Variants in PMS1 observed in about 807,000 individuals in gnomAD.
PMS1 encodes the protein PMS1 homolog 1, mismatch repair system component, also known as PMS1 protein homolog 1.
A neutral mutation model predicts 93.1 loss-of-function variants in PMS1; 79 were observed. The observed-to-expected ratio is 0.85, with a 90% CI of 0.71 to 1.02. PMS1 has a LOEUF of 1.02. PMS1 is among the 50% of genes least tolerant of loss of function. PMS1 has a pLI of 0.00. For missense variants in PMS1, 1,064 were observed against 1,085.3 expected, an observed-to-expected ratio of 0.98 and a Z score of 0.28; for synonymous variants, 335 against 363.4, an observed-to-expected ratio of 0.92 and a Z score of 0.89.
rs551881802 is a variant in PMS1 at position 189,790,973 on chromosome 2, C to T, written c.-20-817C>T. Among the ~76,000 whole-genome samples, 3 of 152,082 alleles carry T rather than the reference C, an allele frequency of 2.0e-5. No individual in the cohort carries two copies. The East Asian group carries it at 5.8e-4, about 29-fold the overall frequency. On this transcript the variant is annotated intron_variant, in intron 1 of 12. Transcript: ENST00000441310. The stretch of plus-strand genomic sequence containing the variant: ...TTATTTCAGCAGGCAGTTGGAAATA[C>T]AGAGTTCGAGTTTGCAAGAAAAGTC...
intron 4 of PMS1, among the ~76,000 whole-genome samples, chr2:189,817,773 T>C (rs1375666075): frequency 6.6e-6 from 1 of 152,248 alleles, no homozygotes; most frequent in East Asian, 1.9e-4. Context: ...TACGCAGTGA[T>C]AGAAGTAAGA....
At chr2:189,836,072 C>T (rs2053360727) in intron 5 of PMS1, among the ~76,000 whole-genome samples, 1 of 152,164 alleles carries the variant, frequency 6.6e-6, no homozygotes, top group African/African-American at 2.4e-5. Flanking sequence ...TGACTTTGCT[C>T]AAGCAGTTTT....
chr2:189,849,655 A>G (rs770421299), intron 6 of PMS1, among the ~76,000 whole-genome samples: 8 of 151,724 alleles, frequency 5.3e-5, no homozygotes, highest in Non-Finnish European at 1.0e-4. Flanking sequence ...CCCAACTTCC[A>G]CTTCTTTCCC....
intron 9 of PMS1, chr2:189,857,321 C>T: frequency 4.8e-6 from 1 of 209,188 alleles, no homozygotes; most frequent in Admixed American, 5.5e-5. Context: ...TTGTATGTCA[C>T]AGAGTGCTGT....
intron 1 of PMS1, among the ~76,000 whole-genome samples, chr2:189,786,252 A>G (rs1017726054): frequency 1.3e-5 from 2 of 152,246 alleles, no homozygotes; most frequent in South Asian, 2.1e-4. Context: ...CTGGTTGGCA[A>G]TTGGAAACCT....
intron 5 of PMS1, among the ~76,000 whole-genome samples, chr2:189,839,660 G>C (rs1347631576): frequency 1.3e-5 from 2 of 152,158 alleles, no homozygotes; most frequent in African/African-American, 4.8e-5. Context: ...TTTCTTCTAT[G>C]ATGCTCCCAC....
At chr2:189,801,966 T>G (rs566489350) in intron 3 of PMS1, among the ~76,000 whole-genome samples, 1 of 152,344 alleles carries the variant, frequency 6.6e-6, no homozygotes, top group East Asian at 1.9e-4. Context: ...CTTTCTAAAA[T>G]GTAATAGCCA....
intron 4 of PMS1, among the ~76,000 whole-genome samples, chr2:189,813,589 A>T (rs2051026813): frequency 6.6e-6 from 1 of 152,206 alleles, no homozygotes; most frequent in South Asian, 2.1e-4. Context: ...TGTTGATTGG[A>T]GGAATAAACA....
intron 3 of PMS1, among the ~76,000 whole-genome samples, chr2:189,800,534 C>T (rs1212094147): frequency 1.3e-5 from 2 of 152,016 alleles, no homozygotes; most frequent in African/African-American, 4.8e-5. Context: ...GAAAGGAGTT[C>T]ACTTTTTAAT....
At chr2:189,835,906 C>CAAAAA (rs3067429) in intron 5 of PMS1, among the ~76,000 whole-genome samples, 32 of 86,986 alleles carry the variant, frequency 3.7e-4, no homozygotes, top group African/African-American at 1.2e-3. Context: ...TAGCCTGTCT[C>CAAAAA]AAAAAAAAAA....
intron 12 of PMS1, among the ~76,000 whole-genome samples, chr2:189,875,860 G>A (rs1473578009): frequency 1.3e-5 from 2 of 150,592 alleles, no homozygotes; most frequent in Admixed American, 6.6e-5. Flanking sequence ...GGCTGAGTGA[G>A]GCAGGAGAAC....
intron 5 of PMS1, among the ~76,000 whole-genome samples, chr2:189,841,084 T>G (rs761936636): frequency 6.6e-6 from 1 of 152,148 alleles, no homozygotes; most frequent in Non-Finnish European, 1.5e-5. Flanking sequence ...GGATAAATAT[T>G]GGCAAAGTAA....
At chr2:189,808,894 A>G (rs1006776282) in intron 4 of PMS1, among the ~76,000 whole-genome samples, 4 of 152,210 alleles carry the variant, frequency 2.6e-5, no homozygotes, top group South Asian at 2.1e-4. Context: ...CTTTAGTCCT[A>G]TCATTTTCTG....
chr2:189,825,321 G>A (rs964290966), intron 5 of PMS1, among the ~76,000 whole-genome samples: 25 of 152,226 alleles, frequency 1.6e-4, no homozygotes, highest in African/African-American at 5.3e-4. Context: ...ATATTATTTG[G>A]AGAACTGCTA....
chr2:189,827,010 A>G (rs143278876), intron 5 of PMS1, among the ~76,000 whole-genome samples: 1 of 152,318 alleles, frequency 6.6e-6, no homozygotes, highest in East Asian at 1.9e-4. Flanking sequence ...GTATTCACAT[A>G]TACAATTCTA....
chr2:189,837,875 T>C lies in PMS1; in HGVS notation c.583-6089T>C, dbSNP rs138492504. Among the ~76,000 whole-genome samples, 649 of 152,316 alleles carry C rather than the reference T, an allele frequency of 4.3e-3. 8 individuals are homozygous for C. The highest frequency in any genetic ancestry group is 0.015 in the African/African-American group (607 of 41,568). ...ATTTAAAAGGAATGAAGTACTGATA[T>C]AAATAAACTTGAAAAGGTTATGCTA... On this transcript the variant is annotated intron_variant, in intron 5 of 12. Coordinates refer to ENST00000441310, the MANE Select transcript of PMS1 (RefSeq NM_000534.5).
chr2:189,842,936 G>T (rs967328745), intron 5 of PMS1, among the ~76,000 whole-genome samples: 4 of 146,452 alleles, frequency 2.7e-5, no homozygotes, highest in Non-Finnish European at 4.5e-5. Context: ...ATTTAAAAGG[G>T]CTCACATTTT....
At chr2:189,864,364 A>T in intron 10 of PMS1, 136 bp downstream of exon 10, 1 of 764,036 alleles carries the variant, frequency 1.3e-6, no homozygotes, top group Non-Finnish European at 2.2e-6. Flanking sequence ...TCTTTTAAAC[A>T]TTTGATTTCT....
Position 189,852,738 on chromosome 2 carries a change from C to A in PMS1, c.783C>A (p.Phe261Leu). Residue 261 changes from phenylalanine (F) to leucine (L), a missense_variant, in exon 7 of 13, where the codon TTC (phenylalanine) becomes TTA (leucine). Physicochemically the swap from Phe to Leu is conservative, Grantham distance 22 (BLOSUM62 0). Coordinates refer to ENST00000441310, the MANE Select transcript of PMS1 (RefSeq NM_000534.5). The part of the protein sequence containing the change: ...SLSTPERSFI[F>L]INSRPVHQKD... ...CAACACCAGAAAGAAGTTTCATCTT[C>A]ATAAACAGTCGACCAGTACATCAAA... The A allele has an allele frequency of 6.3e-7, 1 of 1,592,280 alleles. No homozygotes were observed. Among genetic ancestry groups the A allele is most frequent in the Non-Finnish European group, 8.6e-7 (1 of 1,160,650 alleles).
Sources: allele counts gnomAD v4.1 joint callset (sites outside exome capture counted in the v4.1 genomes callset), GRCh38; gene constraint gnomAD v4.1.1; transcripts MANE v1.5; gene names NCBI Gene and HGNC (gene_info 2026-07-23, HGNC 2026-07-21).